CAMK1D: variants seen among roughly 807,000 people sequenced by gnomAD.
The protein encoded by CAMK1D is calcium/calmodulin dependent protein kinase ID, also known as calcium/calmodulin-dependent protein kinase type 1D.
CAMK1D carries 9 observed loss-of-function variants against 47.7 expected under a neutral mutation model. The observed-to-expected ratio is 0.19, with a 90% CI of 0.11 to 0.33. CAMK1D has a LOEUF of 0.33. Ranked by LOEUF, CAMK1D falls within the 10% of genes least tolerant of loss-of-function variation. The pLI is 1.00. For synonymous variants in CAMK1D, 184 were observed against 184.9 expected (o/e 0.99, Z 0.04); for missense variants, 291 against 488.7 (o/e 0.60, Z 3.81).
At chr10:12,389,617 T>C (rs145885663) in intron 1 of CAMK1D, among the ~76,000 whole-genome samples, 97 of 152,274 alleles carry the variant, frequency 6.4e-4, no homozygotes, top group African/African-American at 2.2e-3. Flanking sequence ...TCTCGGAGGC[T>C]GGAGGGCCGG....
intron 5 of CAMK1D, among the ~76,000 whole-genome samples, chr10:12,784,464 C>T (rs1373538091): frequency 6.6e-6 from 1 of 152,164 alleles, no homozygotes; most frequent in Non-Finnish European, 1.5e-5. Context: ...TCCCAAAGTG[C>T]TGGGATTACA....
chr10:12,359,538 C>A (rs1302043906), intron 1 of CAMK1D, among the ~76,000 whole-genome samples: 3 of 144,400 alleles, frequency 2.1e-5, no homozygotes, highest in Non-Finnish European at 4.5e-5. Flanking sequence ...TTTTTTTTTT[C>A]TCTGCACCTC....
intron 1 of CAMK1D, among the ~76,000 whole-genome samples, chr10:12,402,912 C>T (rs1473541313): frequency 6.6e-6 from 1 of 151,924 alleles, no homozygotes; most frequent in Admixed American, 6.6e-5. Flanking sequence ...CGCAGAATTG[C>T]GTGGATTGGA....
chr10:12,624,823 A>T (rs1839156347), intron 2 of CAMK1D, among the ~76,000 whole-genome samples: 1 of 151,204 alleles, frequency 6.6e-6, no homozygotes. Flanking sequence ...TCTTCATTTT[A>T]CTCCTTTTAC....
chr10:12,724,735 C>A (rs562911052), intron 3 of CAMK1D, among the ~76,000 whole-genome samples: 1 of 152,132 alleles, frequency 6.6e-6, no homozygotes, highest in Non-Finnish European at 1.5e-5. Flanking sequence ...TGAAATAAAG[C>A]CCAGCTCAGG....
At chr10:12,423,799 G>T (rs190387883) in intron 1 of CAMK1D, among the ~76,000 whole-genome samples, 257 of 152,348 alleles carry the variant, frequency 1.7e-3, no homozygotes, top group African/African-American at 5.7e-3. Flanking sequence ...TAAGTTGGTT[G>T]TTCTGAGGTT....
At chr10:12,395,891 C>T (rs1351903242) in intron 1 of CAMK1D, among the ~76,000 whole-genome samples, 1 of 151,850 alleles carries the variant, frequency 6.6e-6, no homozygotes, top group Non-Finnish European at 1.5e-5. Flanking sequence ...TGCACCACTG[C>T]ACTCCAGCCT....
intron 1 of CAMK1D, among the ~76,000 whole-genome samples, chr10:12,506,182 G>A (rs1324078399): frequency 6.6e-6 from 1 of 152,158 alleles, no homozygotes; most frequent in East Asian, 1.9e-4. Flanking sequence ...ACTTTGGGAG[G>A]CTGAGGTGGG....
chr10:12,389,280 C>T (rs1429099087), intron 1 of CAMK1D, among the ~76,000 whole-genome samples: 2 of 152,062 alleles, frequency 1.3e-5, no homozygotes, highest in African/African-American at 4.8e-5. Flanking sequence ...GCGTGCCAGC[C>T]CCGGGTCTGT....
chr10:12,440,296 T>C (rs1832749044), intron 1 of CAMK1D, among the ~76,000 whole-genome samples: 2 of 151,954 alleles, frequency 1.3e-5, no homozygotes, highest in African/African-American at 4.8e-5. Context: ...ATTTTTTTTT[T>C]TTTTTTGAGA....
intron 3 of CAMK1D, among the ~76,000 whole-genome samples, chr10:12,668,723 C>T (rs1840511759): frequency 6.6e-6 from 1 of 152,052 alleles, no homozygotes; most frequent in South Asian, 2.1e-4. Flanking sequence ...TTAGAATTTG[C>T]CTTTCTAAGC....
chr10:12,663,762 G>C (rs1431865786), intron 2 of CAMK1D, among the ~76,000 whole-genome samples: 1 of 152,130 alleles, frequency 6.6e-6, no homozygotes, highest in Non-Finnish European at 1.5e-5. Flanking sequence ...TTTGGTGCTT[G>C]TGCCCTACTT....
At chr10:12,663,252 T>A (rs1428637491) in intron 2 of CAMK1D, among the ~76,000 whole-genome samples, 1 of 152,152 alleles carries the variant, frequency 6.6e-6, no homozygotes, top group African/African-American at 2.4e-5. Context: ...TGAGCAACCG[T>A]GCCCGGCCTC....
At chr10:12,486,359 T>C (rs1412802135) in intron 1 of CAMK1D, among the ~76,000 whole-genome samples, 1 of 152,214 alleles carries the variant, frequency 6.6e-6, no homozygotes, top group Admixed American at 6.5e-5. Context: ...GGGGTTTCAC[T>C]GTGTTAGCCA....
intron 1 of CAMK1D, among the ~76,000 whole-genome samples, chr10:12,551,172 T>C (rs1386503081): frequency 6.6e-6 from 1 of 152,228 alleles, no homozygotes; most frequent in Non-Finnish European, 1.5e-5. Flanking sequence ...TCATCTGTAC[T>C]TACAGCCACT....
intron 2 of CAMK1D, among the ~76,000 whole-genome samples, chr10:12,604,444 G>A (rs377563977): frequency 3.3e-5 from 5 of 152,310 alleles, no homozygotes; most frequent in South Asian, 2.1e-4. Flanking sequence ...GTGTTTGGCC[G>A]TGTTGGCCCT....
At chr10:12,826,782 A>G (rs1324068380) in intron 10 of CAMK1D, among the ~76,000 whole-genome samples, 1 of 152,218 alleles carries the variant, frequency 6.6e-6, no homozygotes. Flanking sequence ...CTGACATACC[A>G]TAGCTCCCCT....
rs373500400 is a variant in CAMK1D at position 12,605,078 on chromosome 10, G to A, written c.224+51722G>A. Reference sequence around the variant, plus strand: ...AATTTTTTGTATCTTTAGTAGAGACGGGGTTTCACCATGTTATACAGGATG... The same window carrying A: ...AATTTTTTGTATCTTTAGTAGAGACAGGGTTTCACCATGTTATACAGGATG... On this transcript the variant is annotated intron_variant, in intron 2 of 10. Transcript: ENST00000619168. Among the ~76,000 whole-genome samples the A allele has an allele frequency of 2.3e-3, 357 of 152,052 alleles. 1 individual carries two copies. In the Middle Eastern group the frequency reaches 0.034, roughly 14 times the overall value.
intron 3 of CAMK1D, among the ~76,000 whole-genome samples, chr10:12,695,902 C>T (rs933718103): frequency 4.6e-5 from 7 of 151,952 alleles, no homozygotes; most frequent in South Asian, 2.1e-4. Flanking sequence ...CATAGTGAAA[C>T]CCCGTCTCTA....
Sources: allele counts gnomAD v4.1 joint callset (sites outside exome capture counted in the v4.1 genomes callset), GRCh38; gene constraint gnomAD v4.1.1; transcripts MANE v1.5; gene names NCBI Gene and HGNC (gene_info 2026-07-23, HGNC 2026-07-21).